INPP4B: variants seen among roughly 807,000 people sequenced by gnomAD.
INPP4B encodes inositol polyphosphate-4-phosphatase type II B.
In INPP4B, 55 loss-of-function variants were observed where a neutral mutation model predicts 122.5. The ratio of observed to expected loss-of-function variants is 0.45; its 90% CI spans 0.36 to 0.56. The LOEUF is 0.56. Ranked by LOEUF, INPP4B falls within the 20% of genes least tolerant of loss-of-function variation. The pLI is 0.00. For missense variants in INPP4B, 1,000 were observed against 1,097.7 expected, an observed-to-expected ratio of 0.91 and a Z score of 1.26; for synonymous variants, 403 against 388.7, an observed-to-expected ratio of 1.04 and a Z score of -0.43.
Position 142,291,939 on chromosome 4 carries a change from T to C in INPP4B, c.503+13519A>G, listed in dbSNP as rs369262408. ...GAAAATGACACAATTTTACAGCAAA[T>C]ACAAAACCAGTAATATTTGTTTTTA... On this transcript the variant is annotated intron_variant, in intron 9 of 25. Transcript: ENST00000262992. Among the ~76,000 whole-genome samples, 10 of 152,210 alleles carry C rather than the reference T, an allele frequency of 6.6e-5. No individual in the cohort carries two copies. In the East Asian group the frequency reaches 1.2e-3, roughly 18 times the overall value.
intron 16 of INPP4B, among the ~76,000 whole-genome samples, chr4:142,162,042 C>T (rs2152912632): frequency 6.6e-6 from 1 of 151,792 alleles, no homozygotes; most frequent in Non-Finnish European, 1.5e-5. Flanking sequence ...GAACATCTAC[C>T]AGTTTTCATA....
chr4:142,172,097 T>A (rs1340701954), intron 16 of INPP4B, among the ~76,000 whole-genome samples: 1 of 151,956 alleles, frequency 6.6e-6, no homozygotes, highest in Non-Finnish European at 1.5e-5. Flanking sequence ...CAGAAAAACA[T>A]ACTTATTGAA....
intron 2 of INPP4B, among the ~76,000 whole-genome samples, chr4:142,517,813 T>C (rs1411651401): frequency 6.6e-6 from 1 of 152,158 alleles, no homozygotes; most frequent in African/African-American, 2.4e-5. Flanking sequence ...ATAGTGCTAA[T>C]AGCTCTTCAC....
chr4:142,035,196 C>T (rs191985998), intron 25 of INPP4B, among the ~76,000 whole-genome samples: 170 of 152,276 alleles, frequency 1.1e-3, no homozygotes, highest in African/African-American at 4.1e-3. Context: ...GGCCAAAAGT[C>T]TGCCTTCAGA....
chr4:142,168,022 C>A (rs1497132), intron 16 of INPP4B, among the ~76,000 whole-genome samples: 8,812 of 151,066 alleles, frequency 0.058, 897 homozygotes, highest in African/African-American at 0.2. Context: ...TCTGGCTTGC[C>A]TAAAGCCTAA....
chr4:142,526,718 G>A (rs1244014869), intron 2 of INPP4B, among the ~76,000 whole-genome samples: 1 of 152,014 alleles, frequency 6.6e-6, no homozygotes, highest in Non-Finnish European at 1.5e-5. Flanking sequence ...TTATAAATAT[G>A]AGATAGTTCT....
At chr4:142,137,903 T>A (rs1449746891) in intron 18 of INPP4B, among the ~76,000 whole-genome samples, 1 of 151,958 alleles carries the variant, frequency 6.6e-6, no homozygotes, top group East Asian at 1.9e-4. Context: ...CTGGAGAGGA[T>A]GTGGAGAAAT....
chr4:142,534,284 AC>A (rs1827940837), intron 2 of INPP4B, among the ~76,000 whole-genome samples: 1 of 152,118 alleles, frequency 6.6e-6, no homozygotes, highest in African/African-American at 2.4e-5. Flanking sequence ...TGATGGTGAC[AC>A]CTTCAAAATT....
rs910992471 is a variant in INPP4B, at chr4:142,215,793, T to G, written c.837-6767A>C. On this transcript the variant is annotated intron_variant, in intron 12 of 25. Transcript: ENST00000262992. ...CTGTAGTCCCAGCTACTCGGGAGGC[T>G]GAGGCGGGAGAATGGTGTGAACCCA... is the stretch of plus-strand genomic sequence containing the variant. 6.1e-5 allele frequency among the ~76,000 whole-genome samples: 9 copies of G among 148,550 alleles called. No homozygotes were observed. In the Admixed American group the frequency reaches 6.2e-4, roughly 10 times the overall value.
chr4:142,665,728 T>G (rs1351065980), intron 2 of INPP4B, among the ~76,000 whole-genome samples: 1 of 152,064 alleles, frequency 6.6e-6, no homozygotes, highest in Non-Finnish European at 1.5e-5. Context: ...AATTCAGATT[T>G]TATTAATAAA....
At chr4:142,394,655 T>C (rs1183653790) in intron 7 of INPP4B, among the ~76,000 whole-genome samples, 1 of 152,212 alleles carries the variant, frequency 6.6e-6, no homozygotes, top group Non-Finnish European at 1.5e-5. Flanking sequence ...TTGCCAATTT[T>C]CTAAATGAGT....
intron 7 of INPP4B, among the ~76,000 whole-genome samples, chr4:142,380,760 CATATAAT>C (rs1444227427): frequency 6.6e-6 from 1 of 152,026 alleles, no homozygotes; most frequent in Non-Finnish European, 1.5e-5. Flanking sequence ...ATAATAGTCA[CATATAAT>C]ATATATCATG....
At chr4:142,298,683 C>CAAAAAAAAAAAAAAAAAAAA (rs386401712) in intron 9 of INPP4B, among the ~76,000 whole-genome samples, 1 of 66,452 alleles carries the variant, frequency 1.5e-5, no homozygotes, top group Non-Finnish European at 2.6e-5. Flanking sequence ...GACTCTGTCT[C>CAAAAAAAAAAAAAAAAAAAA]AAAAAAAAAA....
chr4:142,623,498 G>A (rs896022404), intron 2 of INPP4B, among the ~76,000 whole-genome samples: 4 of 151,816 alleles, frequency 2.6e-5, no homozygotes, highest in Non-Finnish European at 4.4e-5. Context: ...CATGGTGATG[G>A]CTAAATTCTA....
chr4:142,501,328 C>G (rs948860710), intron 2 of INPP4B, among the ~76,000 whole-genome samples: 1 of 152,024 alleles, frequency 6.6e-6, no homozygotes, highest in Non-Finnish European at 1.5e-5. Context: ...TGATTAGCAG[C>G]CAGAGGTAAC....
chr4:142,130,461 T>C (rs993286030), intron 18 of INPP4B, among the ~76,000 whole-genome samples: 3 of 151,798 alleles, frequency 2.0e-5, no homozygotes, highest in Non-Finnish European at 4.4e-5. Context: ...GGATAGGGAA[T>C]GGAGGTCGAT....
chr4:142,625,578 A>G (rs1746163658), intron 2 of INPP4B, among the ~76,000 whole-genome samples: 1 of 152,110 alleles, frequency 6.6e-6, no homozygotes, highest in African/African-American at 2.4e-5. Context: ...TATAGATTCA[A>G]TGCCATCCCC....
At chr4:142,665,534 A>G (rs573328539) in intron 2 of INPP4B, among the ~76,000 whole-genome samples, 90 of 151,920 alleles carry the variant, frequency 5.9e-4, no homozygotes, top group African/African-American at 2.0e-3. Context: ...AAAAAGAAAA[A>G]GAAACTTATT....
At chr4:142,346,540 A>G (rs543919767) in intron 7 of INPP4B, among the ~76,000 whole-genome samples, 1 of 152,146 alleles carries the variant, frequency 6.6e-6, no homozygotes, top group East Asian at 1.9e-4. Context: ...AAGAGATAAG[A>G]GGTACTATCT....
Sources: allele counts gnomAD v4.1 joint callset (sites outside exome capture counted in the v4.1 genomes callset), GRCh38; gene constraint gnomAD v4.1.1; transcripts MANE v1.5; gene names NCBI Gene and HGNC (gene_info 2026-07-23, HGNC 2026-07-21).